The following GRIP1 variants were observed in gnomAD, a reference collection of about 807,000 sequenced individuals.
The protein encoded by GRIP1 is glutamate receptor interacting protein 1.
Under a neutral mutation model 129.9 loss-of-function variants are expected in GRIP1, and 45 were observed. That is an observed-to-expected ratio of 0.35 (90% CI 0.27 to 0.44). The LOEUF (loss-of-function observed/expected upper bound fraction) is 0.44. GRIP1 is among the 20% of genes least tolerant of loss of function. GRIP1 has a pLI of 1.00. For synonymous variants in GRIP1, 530 were observed against 520.8 expected (o/e 1.02, Z -0.24); for missense variants, 1,196 against 1,396.8 (o/e 0.86, Z 2.29).
intron 1 of GRIP1, among the ~76,000 whole-genome samples, chr12:66,974,602 T>C (rs1315218068): frequency 2.0e-5 from 3 of 152,224 alleles, no homozygotes; most frequent in Non-Finnish European, 2.9e-5. Context: ...TATTGTTCTC[T>C]GGAATTTTTA....
chr12:66,987,805 T>C (rs960323198), intron 1 of GRIP1, among the ~76,000 whole-genome samples: 1 of 152,182 alleles, frequency 6.6e-6, no homozygotes, highest in Non-Finnish European at 1.5e-5. Flanking sequence ...AAAACATCCC[T>C]TCTCAGCCCC....
chr12:66,539,266 A>G (rs367749112), intron 3 of GRIP1, 43 bp from the exon 4 acceptor site: 2 of 1,612,518 alleles, frequency 1.2e-6, no homozygotes, highest in African/African-American at 2.7e-5. Flanking sequence ...CACCCTCTCC[A>G]TAGGCCAGTC....
chr12:66,742,674 GAGAT>G (rs1417824967), intron 1 of GRIP1, among the ~76,000 whole-genome samples: 4 of 152,012 alleles, frequency 2.6e-5, no homozygotes, highest in Admixed American at 2.6e-4. Context: ...TTTCAAGTGA[GAGAT>G]AGAACAGGAA....
intron 23 of GRIP1, among the ~76,000 whole-genome samples, chr12:66,362,691 C>A (rs563048366): frequency 6.6e-6 from 1 of 151,934 alleles, no homozygotes; most frequent in African/African-American, 2.4e-5. Flanking sequence ...GATGAATGGT[C>A]CCAGACCAGA....
intron 1 of GRIP1, among the ~76,000 whole-genome samples, chr12:66,766,755 A>G (rs1792461411): frequency 6.6e-6 from 1 of 152,206 alleles, no homozygotes; most frequent in Non-Finnish European, 1.5e-5. Flanking sequence ...TTTTCATTAA[A>G]TTATAAATTT....
At chr12:66,609,748 G>A (rs1017616204) in intron 1 of GRIP1, among the ~76,000 whole-genome samples, 58 of 152,076 alleles carry the variant, frequency 3.8e-4, no homozygotes, top group African/African-American at 1.4e-3. Context: ...ACTGATTTTG[G>A]AGCATTATAC....
At chr12:66,714,819 C>T (rs2035819756) in intron 1 of GRIP1, among the ~76,000 whole-genome samples, 1 of 151,658 alleles carries the variant, frequency 6.6e-6, no homozygotes. Context: ...CTTGATTCAT[C>T]CTATCTATCC....
At chr12:66,613,241 G>A (rs138442112) in intron 1 of GRIP1, among the ~76,000 whole-genome samples, 68 of 152,268 alleles carry the variant, frequency 4.5e-4, no homozygotes, top group African/African-American at 1.6e-3. Context: ...GGGCCCTAGT[G>A]GCCCTAGAAC....
intron 1 of GRIP1, among the ~76,000 whole-genome samples, chr12:66,961,233 A>C (rs1175307262): frequency 6.6e-6 from 1 of 152,156 alleles, no homozygotes; most frequent in Non-Finnish European, 1.5e-5. Context: ...AGGAGCAAAC[A>C]AAACAGGGAG....
At chr12:66,745,379 AAAT>A (rs1448309247) in intron 1 of GRIP1, among the ~76,000 whole-genome samples, 1 of 152,218 alleles carries the variant, frequency 6.6e-6, no homozygotes, top group Non-Finnish European at 1.5e-5. Context: ...CACATAGAGT[AAAT>A]AATAAGGAAA....
At chr12:66,635,427 AAAAAAAAG>A (rs1272453670) in intron 1 of GRIP1, among the ~76,000 whole-genome samples, 2 of 151,838 alleles carry the variant, frequency 1.3e-5, no homozygotes, top group African/African-American at 4.8e-5. Flanking sequence ...CTGTCTCTAA[AAAAAAAAG>A]AAAAAAAGAA....
At chr12:66,836,677 T>C (rs1173907717) in intron 1 of GRIP1, among the ~76,000 whole-genome samples, 1 of 152,174 alleles carries the variant, frequency 6.6e-6, no homozygotes, top group Non-Finnish European at 1.5e-5. Context: ...GGTATTGATA[T>C]AAAAAATGCT....
chr12:66,783,746 A>C (rs558499037), intron 1 of GRIP1, among the ~76,000 whole-genome samples: 1 of 152,300 alleles, frequency 6.6e-6, no homozygotes, highest in East Asian at 1.9e-4. Flanking sequence ...TGCTAAAAAA[A>C]TACTAGTTTT....
intron 11 of GRIP1, among the ~76,000 whole-genome samples, chr12:66,448,414 G>T (rs924970878): frequency 5.9e-5 from 9 of 152,042 alleles, no homozygotes; most frequent in Non-Finnish European, 1.2e-4. Flanking sequence ...ACCTCAATTT[G>T]GGCTTTCATT....
chr12:66,594,382 C>G (rs1471817125), intron 2 of GRIP1, among the ~76,000 whole-genome samples: 1 of 152,202 alleles, frequency 6.6e-6, no homozygotes, highest in Non-Finnish European at 1.5e-5. Flanking sequence ...CAATCCACAA[C>G]CCATAGGCTG....
chr12:66,495,930 G>C (rs879381002), intron 7 of GRIP1, among the ~76,000 whole-genome samples: 11 of 152,192 alleles, frequency 7.2e-5, no homozygotes, highest in South Asian at 2.1e-4. Flanking sequence ...CGGCAGGTGA[G>C]CAATGGTGAT....
At chr12:66,602,368 G>A (rs1259996625) in intron 1 of GRIP1, among the ~76,000 whole-genome samples, 1 of 144,044 alleles carries the variant, frequency 6.9e-6, no homozygotes, top group African/African-American at 2.7e-5. Context: ...TTGCTAAAAT[G>A]ATGTGTAACT....
intron 16 of GRIP1, among the ~76,000 whole-genome samples, chr12:66,398,047 C>T (rs575872814): frequency 1.3e-4 from 20 of 152,268 alleles, no homozygotes; most frequent in Admixed American, 1.2e-3. Flanking sequence ...AAGACAAGCT[C>T]TCCAGGGCAT....
chr12:66,401,598 G>GTGTATATATATATATATATATATATATA (rs71096098), intron 16 of GRIP1, among the ~76,000 whole-genome samples: 3 of 66,262 alleles, frequency 4.5e-5, no homozygotes, highest in African/African-American at 1.8e-4. Context: ...AAATATGTGT[G>GTGTATATATATATATATATATATATATA]TATATATATA....
Sources: allele counts gnomAD v4.1 joint callset (sites outside exome capture counted in the v4.1 genomes callset), GRCh38; gene constraint gnomAD v4.1.1; transcripts MANE v1.5; gene names NCBI Gene and HGNC (gene_info 2026-07-23, HGNC 2026-07-21).